PRDX2: variants seen among roughly 807,000 people sequenced by gnomAD.
The protein encoded by PRDX2 is peroxiredoxin-2.
In PRDX2, 10 loss-of-function variants were observed where a neutral mutation model predicts 19.8. The observed-to-expected ratio is 0.50, with a 90% CI of 0.31 to 0.86. PRDX2 has a LOEUF of 0.86. Among genes scored for constraint, PRDX2 ranks in the 40% least tolerant of loss-of-function variants. The pLI is 0.04. For missense variants in PRDX2, 226 were observed against 260.1 expected, an observed-to-expected ratio of 0.87 and a Z score of 0.90; for synonymous variants, 118 against 108.2, an observed-to-expected ratio of 1.09 and a Z score of -0.56.
chr19:12,801,350 A>G (rs1159972196), intron 1 of PRDX2, 80 bp from the exon 2 acceptor site: 5 of 1,413,614 alleles, frequency 3.5e-6, no homozygotes, highest in Non-Finnish European at 4.9e-6. Context: ...GCTGGGCCCT[A>G]TGACTGAGTC....
At chr19:12,797,707 G>T (rs1343018006) in intron 5 of PRDX2, among the ~76,000 whole-genome samples, 3 of 144,230 alleles carry the variant, frequency 2.1e-5, no homozygotes, top group Non-Finnish European at 3.0e-5. Context: ...GCCCAGGCTG[G>T]AGTGCAATGG....
At position 12,799,973 on chromosome 19, in the gene PRDX2, C is replaced by T. The variant is rs145076374; in HGVS notation, c.397G>A (p.Asp133Asn). ...GIAYRGLFIIDGKGVLRQITV... is the reference protein window; with the variant it reads ...GIAYRGLFIINGKGVLRQITV... ...ATCTGGCGAAGGACACCCTTGCCATCGATGATAAAGAGGCCCCTGAAGACA... is the reference window on the plus strand; with the variant it reads ...ATCTGGCGAAGGACACCCTTGCCATTGATGATAAAGAGGCCCCTGAAGACA... The change falls in exon 5 of 6, where the codon GAT becomes AAT. Residue 133 changes from aspartate (D) to asparagine (N), a missense_variant. By Grantham distance (23) the Asp-to-Asn change is conservative. Transcript: ENST00000301522. 8.1e-6 allele frequency: 13 copies of T among 1,613,740 alleles called. No individual in the cohort carries two copies. The East Asian group carries it at 1.3e-4, about 17-fold the overall frequency.
Position 12,799,844 on chromosome 19 carries a change from T to C in PRDX2, c.511+15A>G, listed in dbSNP as rs781308594. 1.3e-5 allele frequency: 21 copies of C among 1,611,202 alleles called. No homozygotes were observed. Among genetic ancestry groups the C allele is most frequent in the Non-Finnish European group, 1.8e-5 (21 of 1,179,396 alleles). On this transcript the variant is annotated intron_variant, in intron 5 of 5. Transcript: ENST00000301522. ...GCTCAGTATGTACCCATGTGTCATGTGTGTATCTGCTCACCTTCCCCATGC... is the reference window on the plus strand; with the variant it reads ...GCTCAGTATGTACCCATGTGTCATGCGTGTATCTGCTCACCTTCCCCATGC...
At chr19:12,799,674 G>T in intron 5 of PRDX2, 185 bp downstream of exon 5, 2 of 726,344 alleles carry the variant, frequency 2.8e-6, no homozygotes, top group African/African-American at 1.8e-5. Flanking sequence ...TGTCCACCTT[G>T]GTTGAATGTC....
At chr19:12,799,342 C>T (rs2145815263) in intron 5 of PRDX2, among the ~76,000 whole-genome samples, 1 of 152,080 alleles carries the variant, frequency 6.6e-6, no homozygotes, top group East Asian at 1.9e-4. Flanking sequence ...GGACTATAGG[C>T]ATGCTTCACA....
intron 3 of PRDX2, chr19:12,800,650 G>A: frequency 2.9e-6 from 4 of 1,402,912 alleles, no homozygotes; most frequent in Non-Finnish European, 3.8e-6. Context: ...ATGAAATAGG[G>A]CAGCACAGCC....
At chr19:12,799,689 G>A (rs748717035) in intron 5 of PRDX2, 170 bp downstream of exon 5, 222 of 895,728 alleles carry the variant, frequency 2.5e-4, no homozygotes, top group Middle Eastern at 3.8e-4. Context: ...AATGTCAGGC[G>A]TTATTTGTCT....
intron 5 of PRDX2, among the ~76,000 whole-genome samples, chr19:12,797,434 A>T (rs969077741): frequency 1.3e-5 from 2 of 148,964 alleles, no homozygotes; most frequent in African/African-American, 5.0e-5. Flanking sequence ...AGCGATTCTC[A>T]TGCCCCAGAC....
At chr19:12,800,593 T>C in intron 3 of PRDX2, 1 of 1,043,732 alleles carries the variant, frequency 9.6e-7, no homozygotes, top group South Asian at 1.7e-5. Context: ...TCTAGCTGTG[T>C]CATGGGGTAC....
At chr19:12,798,700 A>G (rs967698425) in intron 5 of PRDX2, among the ~76,000 whole-genome samples, 1 of 150,208 alleles carries the variant, frequency 6.7e-6, no homozygotes, top group African/African-American at 2.5e-5. Context: ...CTTAAAAAAA[A>G]AAAAAAAGAG....
chr19:12,796,954 A>T lies in PRDX2; in HGVS notation c.*127T>A. 1 of 886,218 alleles carries T rather than the reference A, an allele frequency of 1.1e-6. No individual in the cohort carries two copies. Among genetic ancestry groups the T allele is most frequent in the Non-Finnish European group, 1.8e-6 (1 of 565,076 alleles). 54.9% of individuals were successfully genotyped at this position (886,218 alleles called of 1,614,324 possible). A position where few individuals can be genotyped will look rare whatever the true frequency, so the allele number is the denominator to read the frequency against. On this transcript the variant is annotated 3_prime_UTR_variant, in exon 6 of 6. Transcript: ENST00000301522. ...TTGGCCTAGCCCTCCAGGGTCCCAT[A>T]CTGTGGAGTTTGGAGGGGCAGGTCT... is the stretch of plus-strand genomic sequence containing the variant.
At position 12,800,183 on chromosome 19, in the gene PRDX2, G is replaced by A; in HGVS notation, c.374C>T (p.Ala125Val). ...GCTGAGGGTCCCACAGTACCTGTAGGCAATGCCCTCATCTGTTTTCAGCAC... is the reference window on the plus strand; with the variant it reads ...GCTGAGGGTCCCACAGTACCTGTAGACAATGCCCTCATCTGTTTTCAGCAC... ...YGVLKTDEGIAYRGLFIIDGK... is the reference protein window; with the variant it reads ...YGVLKTDEGIVYRGLFIIDGK... The change falls in exon 4 of 6, where the codon GCC becomes GTC. Residue 125 changes from alanine to valine, a missense_variant. By Grantham distance (64) the Ala-to-Val change is moderately conservative. Coordinates refer to ENST00000301522, the MANE Select transcript of PRDX2 (RefSeq NM_005809.6). The A allele has an allele frequency of 1.2e-6, 2 of 1,613,784 alleles. No homozygotes were observed. The highest frequency in any genetic ancestry group is 1.7e-6 in the Non-Finnish European group (2 of 1,179,936).
chr19:12,801,254 G>A lies in PRDX2; in HGVS notation c.8C>T (p.Ser3Phe), dbSNP rs375855919. 6.2e-6 allele frequency: 10 copies of A among 1,612,612 alleles called. No homozygotes were observed. The African/African-American group carries it at 1.3e-4, about 22-fold the overall frequency. ...TGGCTTTCCGATGCGCGCGTTACCG[G>A]AGGCCATGACTGAAAGCTGAGACCC... Reference protein sequence around the residue: MASGNARIGKPAP... With the variant: MAFGNARIGKPAP... The change falls in exon 2 of 6, where the codon TCC becomes TTC. Residue 3 changes from serine to phenylalanine, a missense_variant. Physicochemically the swap from Ser to Phe is radical, Grantham distance 155. Transcript: ENST00000301522.
At chr19:12,798,185 C>T (rs1360781742) in intron 5 of PRDX2, among the ~76,000 whole-genome samples, 1 of 151,330 alleles carries the variant, frequency 6.6e-6, no homozygotes, top group East Asian at 1.9e-4. Flanking sequence ...GCTGGGACTA[C>T]AGGCGCCCGC....
Position 12,800,996 on chromosome 19 carries a change from G to A in PRDX2, c.177C>T (p.Ser59=). 6.2e-7 allele frequency: 1 copy of A among 1,612,492 alleles called. No homozygotes were observed. Among genetic ancestry groups the A allele is most frequent in the Non-Finnish European group, 8.5e-7 (1 of 1,179,848 alleles). The change falls in exon 3 of 6, where the codon AGC becomes AGT. Residue 59 remains serine (S), a synonymous_variant. Transcript: ENST00000301522. ...FVCPTEIIAF[S]NRAEDFRKLG... ...GCTTGCGGAAGTCCTCTGCACGGTT[G>A]CTGAACGCGATGATCTCGGTGGGGC...
At chr19:12,797,656 CTTTTTT>C (rs1555733212) in intron 5 of PRDX2, among the ~76,000 whole-genome samples, 1 of 113,062 alleles carries the variant, frequency 8.8e-6, no homozygotes, top group Non-Finnish European at 1.8e-5. Context: ...TTCTTTCTTT[CTTTTTT>C]TTTTTTTTTT....
chr19:12,801,290 A>C lies in PRDX2; in HGVS notation c.-9-20T>G, dbSNP rs1968893046. On this transcript the variant is annotated intron_variant, in intron 1 of 5. Transcript: ENST00000301522. ...TGAAAGCTGAGACCCCCGCCCGGTC[A>C]GTGCGCCCGGGAAGACACTTTGTCC... is the stretch of plus-strand genomic sequence containing the variant. 3 of 1,593,180 alleles carry C rather than the reference A, an allele frequency of 1.9e-6. No individual in the cohort carries two copies. The Middle Eastern group carries it at 5.0e-4, about 264-fold the overall frequency.
intron 3 of PRDX2, 180 bp downstream of exon 3, chr19:12,800,736 A>G (rs1294675040): frequency 4.0e-6 from 6 of 1,508,998 alleles, no homozygotes; most frequent in South Asian, 3.9e-5. Context: ...ATACCAGGCA[A>G]CTAGTTGTCA....
intron 5 of PRDX2, 39 bp from the exon 6 acceptor site, chr19:12,797,205 C>T (rs1968805574): frequency 6.3e-7 from 1 of 1,585,430 alleles, no homozygotes; most frequent in East Asian, 2.2e-5. Context: ...AGGCTACAGC[C>T]CCAGGTTCAA....
Sources: gnomAD v4.1 joint callset for allele counts (sites outside exome capture counted in the v4.1 genomes callset) on GRCh38, gnomAD v4.1.1 for gene constraint, MANE v1.5 for transcripts, NCBI Gene and HGNC (gene_info 2026-07-23, HGNC 2026-07-21) for gene names.